The following P4HTM variants were observed in gnomAD, a reference collection of about 807,000 sequenced individuals.
P4HTM encodes the protein transmembrane prolyl 4-hydroxylase.
P4HTM carries 33 observed loss-of-function variants against 55.3 expected under a neutral mutation model. The observed-to-expected ratio is 0.60, with a 90% CI of 0.45 to 0.80. The LOEUF (loss-of-function observed/expected upper bound fraction) is 0.80, where lower values mean the gene tolerates loss of function less well. Among genes scored for constraint, P4HTM ranks in the 30% least tolerant of loss-of-function variants. The pLI is 0.00. For missense variants in P4HTM, 542 were observed against 696.5 expected (o/e 0.78, Z 2.50); for synonymous variants, 272 against 286.4 (o/e 0.95, Z 0.51).
chr3:48,990,518 G>T lies in P4HTM; in HGVS notation c.262G>T (p.Asp88Tyr). 6.2e-7 allele frequency: 1 copy of T among 1,611,078 alleles called. No homozygotes were observed. The highest frequency in any genetic ancestry group is 8.5e-7 in the Non-Finnish European group (1 of 1,179,384). Residue 88 changes from aspartate (D) to tyrosine (Y), a missense_variant, in exon 1 of 9, where the codon GAC (aspartate) becomes TAC (tyrosine). By Grantham distance (160) the Asp-to-Tyr change is radical. Transcript: ENST00000383729. This position sits in a 1 kb window ranked among gnomAD's most constrained non-coding sequence, Gnocchi z 7.2. ...GCTCTTCGTGCACTACAGCAACGGC[G>T]ACGAAAGCAGCGATCCCGGGCCCCA... ...LLLFVHYSNG[D>Y]ESSDPGPQHR... is the part of the protein sequence containing the mutation.
chr3:49,000,795 A>G (rs1044246056), intron 2 of P4HTM, among the ~76,000 whole-genome samples: 3 of 152,190 alleles, frequency 2.0e-5, no homozygotes, highest in African/African-American at 7.2e-5. Context: ...GCACTAAGTG[A>G]ACATTTGTAC....
rs2092929746 is a variant in P4HTM at position 48,990,999 on chromosome 3, A to G, written c.436+85A>G. The G allele has an allele frequency of 2.0e-6, 2 of 1,005,650 alleles. No individual in the cohort carries two copies. Among genetic ancestry groups the G allele is most frequent in the African/African-American group, 1.6e-5 (1 of 62,258 alleles). 62.3% of individuals were successfully genotyped at this position (1,005,650 alleles called of 1,614,324 possible). A position where few individuals can be genotyped will look rare whatever the true frequency, so the allele number is the denominator to read the frequency against. On this transcript the variant is annotated intron_variant, in intron 2 of 8. Transcript: ENST00000383729. This position sits in a 1 kb window ranked among gnomAD's most constrained non-coding sequence, Gnocchi z 7.2. ...GGCTCGTTGTGACCACGTGACCTCT[A>G]TTTTGAAAATGGCTGCTTCAGAGCA...
intron 2 of P4HTM, among the ~76,000 whole-genome samples, chr3:48,993,993 T>G (rs1254535467): frequency 6.6e-6 from 1 of 152,190 alleles, no homozygotes; most frequent in Non-Finnish European, 1.5e-5. Flanking sequence ...GATCTCTGTT[T>G]CTGCAGATGA....
chr3:49,000,162 A>G (rs754895157), intron 2 of P4HTM, among the ~76,000 whole-genome samples: 8 of 152,178 alleles, frequency 5.3e-5, no homozygotes, highest in Non-Finnish European at 1.0e-4. Flanking sequence ...TAGGGTAAGT[A>G]TAAGGATTAA....
rs2092980761 is a variant in P4HTM, at chr3:49,006,246, G to A, written c.1288+59G>A. On this transcript the variant is annotated intron_variant, in intron 8 of 8. Coordinates refer to ENST00000383729, the MANE Select transcript of P4HTM (RefSeq NM_177939.3). ...CCTGAGTACAGCTTCCCTTTACCCA[G>A]CCCCCGTCTGCCACAATGGAGGGCT... The A allele has an allele frequency of 3.2e-6, 5 of 1,553,986 alleles. No individual in the cohort carries two copies. The South Asian group carries it at 4.5e-5, about 14-fold the overall frequency.
chr3:49,005,346 A>G, intron 6 of P4HTM: 2 of 1,422,014 alleles, frequency 1.4e-6, no homozygotes, highest in Admixed American at 3.0e-5. Context: ...TGTCCTGCCC[A>G]TTCCTCCAGG....
intron 5 of P4HTM, 87 bp downstream of exon 5, chr3:49,004,347 C>T: frequency 2.3e-6 from 3 of 1,284,520 alleles, no homozygotes; most frequent in Non-Finnish European, 3.2e-6. Context: ...GCCAAGAGGA[C>T]AGAATGGATT....
chr3:48,990,339 A>G lies in P4HTM; in HGVS notation c.83A>G (p.Asp28Gly), dbSNP rs1263564206. The change falls in exon 1 of 9, where the codon GAC becomes GGC. Residue 28 changes from aspartate to glycine, a missense_variant. Transcript: ENST00000383729. This position sits in a 1 kb window ranked among gnomAD's most constrained non-coding sequence, Gnocchi z 7.2. ...EASRPQWAPP[D>G]HCQAQAAAGL... ...TCGAGGCCGCAGTGGGCGCCGCCAG[A>G]CCACTGCCAGGCTCAGGCGGCGGCC... 2.0e-6 allele frequency: 3 copies of G among 1,515,980 alleles called. No individual in the cohort carries two copies. The highest frequency in any genetic ancestry group is 2.6e-6 in the Non-Finnish European group (3 of 1,138,976). 93.9% of individuals were successfully genotyped at this position (1,515,980 alleles called of 1,614,324 possible).
chr3:49,005,028 C>T lies in P4HTM; in HGVS notation c.1055C>T (p.Pro352Leu), dbSNP rs777869844. ...AAGCTGGTAGCCAACGAGTCTGTACCCTTCGAGACCTCCTGCCGGCAAGTA... is the reference window on the plus strand; with the variant it reads ...AAGCTGGTAGCCAACGAGTCTGTACTCTTCGAGACCTCCTGCCGGCAAGTA... ...HTKLVANESVPFETSCRYMTV... is the reference protein window; with the variant it reads ...HTKLVANESVLFETSCRYMTV... Residue 352 changes from proline to leucine, a missense_variant, in exon 6 of 9, where the codon CCC (proline) becomes CTC (leucine). Coordinates refer to ENST00000383729, the MANE Select transcript of P4HTM (RefSeq NM_177939.3). 6.2e-7 allele frequency: 1 copy of T among 1,614,108 alleles called. No individual in the cohort carries two copies. The highest frequency in any genetic ancestry group is 2.2e-5 in the East Asian group (1 of 44,886).
chr3:49,005,353 C>T, intron 6 of P4HTM: 1 of 1,420,388 alleles, frequency 7.0e-7, no homozygotes, highest in Non-Finnish European at 9.2e-7. Context: ...CCCATTCCTC[C>T]AGGTGTTGAT....
rs1350446946 is a variant in P4HTM, at chr3:49,007,011, C to T, written c.*104C>T. On this transcript the variant is annotated 3_prime_UTR_variant, in exon 9 of 9. Coordinates refer to ENST00000383729, the MANE Select transcript of P4HTM (RefSeq NM_177939.3). This position sits in a 1 kb window ranked among gnomAD's most constrained non-coding sequence, Gnocchi z 5.1. ...TGCAGACTAAAGGTCTGGCCAATGT[C>T]TTGCCCCACCCCGCCAGCCGCGATA... 1.1e-6 allele frequency: 1 copy of T among 941,184 alleles called. No individual in the cohort carries two copies. The highest frequency in any genetic ancestry group is 1.6e-6 in the Non-Finnish European group (1 of 625,548). The allele number at this position is 941,184 out of a possible 1,614,324, so 58.3% of individuals were successfully genotyped here.
At position 49,004,178 on chromosome 3, in the gene P4HTM, A is replaced by G; in HGVS notation, c.805A>G (p.Ser269Gly). 1 of 1,550,456 alleles carries G rather than the reference A, an allele frequency of 6.4e-7. No individual in the cohort carries two copies. Among genetic ancestry groups the G allele is most frequent in the Non-Finnish European group, 8.7e-7 (1 of 1,147,180 alleles). ...CATGAGGAGCCACAAGGCAGAGTCCAGTGAGCTGGTGCGGAACAGCCACCA... is the reference window on the plus strand; with the variant it reads ...CATGAGGAGCCACAAGGCAGAGTCCGGTGAGCTGGTGCGGAACAGCCACCA... Reference protein sequence around the residue: ...KYMRSHKAESSELVRNSHHTW... With the variant: ...KYMRSHKAESGELVRNSHHTW... The change falls in exon 5 of 9, where the codon AGT (serine) becomes GGT (glycine). Residue 269 changes from serine to glycine, a missense_variant. Ser to Gly is a moderately conservative substitution (Grantham distance 56). This residue lies in a region of P4HTM where 536 missense variants were observed against 672.1 expected (regional missense o/e 0.80). Transcript: ENST00000383729.
At chr3:49,000,841 A>T (rs1035448167) in intron 2 of P4HTM, among the ~76,000 whole-genome samples, 1 of 152,222 alleles carries the variant, frequency 6.6e-6, no homozygotes, top group Admixed American at 6.5e-5. Context: ...GACACCTGGG[A>T]CATCTTTTCA....
At position 49,004,147 on chromosome 3, in the gene P4HTM, C is replaced by T. The variant is rs1168476287; in HGVS notation, c.774C>T (p.His258=). 5 of 1,552,986 alleles carry T rather than the reference C, an allele frequency of 3.2e-6. No individual in the cohort carries two copies. In the South Asian group the frequency reaches 5.9e-5, roughly 18 times the overall value. ...CCAACATGGACCTTCGGGACTTCCA[C>T]AAGTACATGAGGAGCCACAAGGCAG... The part of the protein sequence containing the change: ...EFSNMDLRDF[H]KYMRSHKAES... The change falls in exon 5 of 9, where the codon CAC becomes CAT. Residue 258 remains histidine (H), a synonymous_variant. Transcript: ENST00000383729.
rs780317400 is a variant in P4HTM at position 49,002,466 on chromosome 3, G to C, written c.628-34G>C. 7 of 1,476,790 alleles carry C rather than the reference G, an allele frequency of 4.7e-6. No individual in the cohort carries two copies. The Admixed American group carries it at 1.2e-4, about 25-fold the overall frequency. 91.5% of individuals were successfully genotyped at this position (1,476,790 alleles called of 1,614,324 possible). A position where few individuals can be genotyped will look rare whatever the true frequency, so the allele number is the denominator to read the frequency against. On this transcript the variant is annotated intron_variant, in intron 3 of 8. Transcript: ENST00000383729. This position sits in a 1 kb window ranked among gnomAD's most constrained non-coding sequence, Gnocchi z 4.4. ...GTTCTCTGCTGGCTCTCCATCACTG[G>C]GGTCACCCACTGAGGGACCCTCTTA...
upstream of P4HTM, chr3:48,990,209 G>C: frequency 2.6e-6 from 3 of 1,136,160 alleles, no homozygotes; most frequent in Non-Finnish European, 2.2e-6. The surrounding 1 kb of genome is among the most constrained non-coding windows in gnomAD (Gnocchi z 7.2). Context: ...TGCGCAGCGC[G>C]GGCACCCCCG....
rs1418318389 is a variant in P4HTM at position 49,006,202 on chromosome 3, C to T, written c.1288+15C>T. ...TGATGGGCAAGGTGAGGGCCTATGGCCAGGCCTGGGGGGGGTGCCCTGAGT... is the reference window on the plus strand; with the variant it reads ...TGATGGGCAAGGTGAGGGCCTATGGTCAGGCCTGGGGGGGGTGCCCTGAGT... On this transcript the variant is annotated intron_variant, in intron 8 of 8. Coordinates refer to ENST00000383729, the MANE Select transcript of P4HTM (RefSeq NM_177939.3). 3 of 1,606,930 alleles carry T rather than the reference C, an allele frequency of 1.9e-6. No homozygotes were observed. Among genetic ancestry groups the T allele is most frequent in the Non-Finnish European group, 2.6e-6 (3 of 1,175,640 alleles).
At position 48,992,045 on chromosome 3, in the gene P4HTM, G is replaced by A. The variant is rs1450226099; in HGVS notation, c.436+1131G>A. On this transcript the variant is annotated intron_variant, in intron 2 of 8. Transcript: ENST00000383729. ...GATTATGCTGTCAGTCCTGTTGTGG[G>A]AGAGGCACCCAAAGCTGGTTGTTGT... The A allele has an allele frequency of 2.6e-5, 4 of 152,184 alleles. No individual in the cohort carries two copies. The South Asian group carries it at 6.2e-4, about 24-fold the overall frequency. The allele number at this position is 152,184 out of a possible 1,614,324, so 9.4% of individuals were successfully genotyped here.
rs1294283212 is a variant in P4HTM, at chr3:48,990,562, C to T, written c.306C>T (p.Pro102=). The T allele has an allele frequency of 1.9e-5, 31 of 1,608,202 alleles. No homozygotes were observed. The highest frequency in any genetic ancestry group is 2.6e-5 in the Non-Finnish European group (31 of 1,178,246). The part of the protein sequence containing the change: ...DPGPQHRAQG[P]GPEPTLGPLT... ...GGCCCCAACACCGTGCCCAGGGCCC[C>T]GGGCCCGAGCCCACCTTAGGTCCCC... The change falls in exon 1 of 9, where the codon CCC becomes CCT. Residue 102 remains proline, a synonymous_variant. Transcript: ENST00000383729. This position sits in a 1 kb window ranked among gnomAD's most constrained non-coding sequence, Gnocchi z 7.2.
Sources: gnomAD v4.1 joint callset for allele counts (sites outside exome capture counted in the v4.1 genomes callset) on GRCh38, gnomAD v4.1.1 for gene constraint, gnomAD v4.1.1 regional missense constraint, Gnocchi (gnomAD v3.1) non-coding constraint, MANE v1.5 for transcripts, NCBI Gene and HGNC (gene_info 2026-07-23, HGNC 2026-07-21) for gene names.